Variants in PCDHGA12 observed in about 807,000 individuals in gnomAD.
The protein encoded by PCDHGA12 is protocadherin gamma subfamily A, 12.
PCDHGA12 carries 43 observed loss-of-function variants against 61.1 expected under a neutral mutation model. That is an observed-to-expected ratio of 0.70 (90% confidence interval 0.55 to 0.91). PCDHGA12 has a LOEUF of 0.91. Among genes scored for constraint, PCDHGA12 ranks in the 40% least tolerant of loss-of-function variants. PCDHGA12 has a pLI of 0.00. For synonymous variants in PCDHGA12, 520 were observed against 542.9 expected (o/e 0.96, Z 0.59); for missense variants, 1,236 against 1,227.7 (o/e 1.01, Z -0.10).
At position 141,432,718 on chromosome 5, in the gene PCDHGA12, T is replaced by C; in HGVS notation, c.1959T>C (p.Pro653=). ...CCGTCCAGGACCACGGCCAGCCCCC[T>C]CTCTCCGCCACTGTCACGCTCACCG... ...VVAVQDHGQP[P]LSATVTLTVA... The change falls in exon 1 of 4, where the codon CCT becomes CCC. Residue 653 remains proline (P), a synonymous_variant. Coordinates refer to ENST00000252085, the MANE Select transcript of PCDHGA12 (RefSeq NM_003735.3). This position sits in a 1 kb window ranked among gnomAD's most constrained non-coding sequence, Gnocchi z 6.0. 1 of 1,613,476 alleles carries C rather than the reference T, an allele frequency of 6.2e-7. No homozygotes were observed. The highest frequency in any genetic ancestry group is 8.5e-7 in the Non-Finnish European group (1 of 1,179,862).
At chr5:141,478,584 T>G in intron 1 of PCDHGA12, 1 of 1,577,982 alleles carries the variant, frequency 6.3e-7, no homozygotes, top group Non-Finnish European at 8.6e-7. Flanking sequence ...CTGTTAGTGC[T>G]TTTTTATTCC....
chr5:141,433,587 G>A (rs1228017153), intron 1 of PCDHGA12, among the ~76,000 whole-genome samples: 1 of 152,068 alleles, frequency 6.6e-6, no homozygotes, highest in African/African-American at 2.4e-5. Flanking sequence ...TGTAATCCCA[G>A]TACTTTGGGA....
chr5:141,433,358 C>CGTAT, intron 1 of PCDHGA12, 175 bp downstream of exon 1: 1 of 503,368 alleles, frequency 2.0e-6, no homozygotes, highest in Non-Finnish European at 3.5e-6. Context: ...CTACTGTCTG[C>CGTAT]CTATCTATCT....
rs535194185 is a variant in PCDHGA12, at chr5:141,485,480, A to C, written c.2425-9327A>C. 6.2e-7 allele frequency: 1 copy of C among 1,614,154 alleles called. No individual in the cohort carries two copies. The highest frequency in any genetic ancestry group is 1.7e-5 in the Admixed American group (1 of 60,020). On this transcript the variant is annotated intron_variant, in intron 1 of 3. Coordinates refer to ENST00000252085, the MANE Select transcript of PCDHGA12 (RefSeq NM_003735.3). This position sits in a 1 kb window ranked among gnomAD's most constrained non-coding sequence, Gnocchi z 5.7. The stretch of plus-strand genomic sequence containing the variant: ...ACTGTGTGGGCTCAGTGCCAGCTGC[A>C]TCGTGCCCCTGGAGTTTGTCACCGA...
Position 141,493,788 on chromosome 5 carries a change from C to A in PCDHGA12, c.2425-1019C>A, listed in dbSNP as rs2099750132. On this transcript the variant is annotated intron_variant, in intron 1 of 3. Transcript: ENST00000252085. This position sits in a 1 kb window ranked among gnomAD's most constrained non-coding sequence, Gnocchi z 4.3. ...ACTGGCAGTTCCGGAGCTTCCTTCT[C>A]CCTGGAGTAATCTGAGATACTCACA... 6.6e-6 allele frequency among the ~76,000 whole-genome samples: 1 copy of A among 152,162 alleles called. No homozygotes were observed. The highest frequency in any genetic ancestry group is 1.5e-5 in the Non-Finnish European group (1 of 68,026).
chr5:141,443,308 C>T (rs1484035480), intron 1 of PCDHGA12, among the ~76,000 whole-genome samples: 7 of 136,252 alleles, frequency 5.1e-5, no homozygotes, highest in African/African-American at 2.2e-4. Context: ...TGGCAAAAAC[C>T]CATCTCTACA....
chr5:141,485,666 A>G lies in PCDHGA12; in HGVS notation c.2425-9141A>G. ...GGCTCAGGATGCAGATGTGGGGAGC[A>G]ATTCGATTAGCAGCTATAGGCTGAG... On this transcript the variant is annotated intron_variant, in intron 1 of 3. Coordinates refer to ENST00000252085, the MANE Select transcript of PCDHGA12 (RefSeq NM_003735.3). The surrounding 1 kb of genome is among the most constrained non-coding windows in gnomAD (Gnocchi z 5.7). 1 of 1,612,786 alleles carries G rather than the reference A, an allele frequency of 6.2e-7. No homozygotes were observed. Among genetic ancestry groups the G allele is most frequent in the Non-Finnish European group, 8.5e-7 (1 of 1,178,960 alleles).
intron 3 of PCDHGA12, among the ~76,000 whole-genome samples, chr5:141,506,349 T>A (rs894933059): frequency 8.0e-5 from 12 of 150,304 alleles, no homozygotes; most frequent in Admixed American, 2.7e-4. Context: ...CTTGGGAGGC[T>A]GAGGCAGGAG....
chr5:141,460,726 A>G lies in PCDHGA12; in HGVS notation c.2424+27543A>G, dbSNP rs545089217. ...GAGAATAAACTATTGTTATAAGCAT[A>G]TATACACATTGTATATATATGTGTA... On this transcript the variant is annotated intron_variant, in intron 1 of 3. Coordinates refer to ENST00000252085, the MANE Select transcript of PCDHGA12 (RefSeq NM_003735.3). Among the ~76,000 whole-genome samples the G allele has an allele frequency of 6.6e-5, 10 of 152,252 alleles. No homozygotes were observed. In the East Asian group the frequency reaches 1.9e-3, roughly 29 times the overall value.
Position 141,490,705 on chromosome 5 carries a change from C to T in PCDHGA12, c.2425-4102C>T. 1 of 1,614,194 alleles carries T rather than the reference C, an allele frequency of 6.2e-7. No individual in the cohort carries two copies. Among genetic ancestry groups the T allele is most frequent in the South Asian group, 1.1e-5 (1 of 91,082 alleles). On this transcript the variant is annotated intron_variant, in intron 1 of 3. Coordinates refer to ENST00000252085, the MANE Select transcript of PCDHGA12 (RefSeq NM_003735.3). This position sits in a 1 kb window ranked among gnomAD's most constrained non-coding sequence, Gnocchi z 5.4. ...TCCAGACACTGGGGATAATGCCCGC[C>T]TCACCTACTCCATTGTAGGAAATCA...
Position 141,486,226 on chromosome 5 carries a change from A to G in PCDHGA12, c.2425-8581A>G, listed in dbSNP as rs889500362. 5.0e-6 allele frequency: 8 copies of G among 1,614,012 alleles called. No individual in the cohort carries two copies. The highest frequency in any genetic ancestry group is 6.8e-6 in the Non-Finnish European group (8 of 1,180,018). On this transcript the variant is annotated intron_variant, in intron 1 of 3. Transcript: ENST00000252085. This position sits in a 1 kb window ranked among gnomAD's most constrained non-coding sequence, Gnocchi z 5.0. ...TAAATGACAATGCCCCTTACATCACAGTGACCTCAGAGCTTGGAACCCTCC... is the reference window on the plus strand; with the variant it reads ...TAAATGACAATGCCCCTTACATCACGGTGACCTCAGAGCTTGGAACCCTCC...
chr5:141,490,990 C>A lies in PCDHGA12; in HGVS notation c.2425-3817C>A, dbSNP rs1230384508. On this transcript the variant is annotated intron_variant, in intron 1 of 3. Transcript: ENST00000252085. The surrounding 1 kb of genome is among the most constrained non-coding windows in gnomAD (Gnocchi z 5.4). ...CCCCCAGCGTCTCCCTCGCTCTGCTCCTCCTGGCTCCTTGGTCACCAAGGT... is the reference window on the plus strand; with the variant it reads ...CCCCCAGCGTCTCCCTCGCTCTGCTACTCCTGGCTCCTTGGTCACCAAGGT... The A allele has an allele frequency of 6.2e-7, 1 of 1,614,102 alleles. No homozygotes were observed. The highest frequency in any genetic ancestry group is 8.5e-7 in the Non-Finnish European group (1 of 1,180,022).
rs71583649 is a variant in PCDHGA12, at chr5:141,491,361, C to A, written c.2425-3446C>A. On this transcript the variant is annotated intron_variant, in intron 1 of 3. Transcript: ENST00000252085. The surrounding 1 kb of genome is among the most constrained non-coding windows in gnomAD (Gnocchi z 6.9). The stretch of plus-strand genomic sequence containing the variant: ...CGACCGTCAGTCTCTTATCCCTAGT[C>A]ACCTTCACCTTTCTGTCAGCGAAGT... 1.0e-3 allele frequency: 1,614 copies of A among 1,614,132 alleles called. 5 individuals carry two copies. The highest frequency in any genetic ancestry group is 5.1e-3 in the Middle Eastern group (31 of 6,062).
At chr5:141,503,802 G>A (rs2099831646) in intron 2 of PCDHGA12, among the ~76,000 whole-genome samples, 1 of 151,998 alleles carries the variant, frequency 6.6e-6, no homozygotes, top group South Asian at 2.1e-4. Context: ...CTTAGGGACG[G>A]GGAATCCCAG....
intron 1 of PCDHGA12, among the ~76,000 whole-genome samples, chr5:141,436,848 AT>A (rs1247905529): frequency 6.6e-6 from 1 of 152,244 alleles, no homozygotes; most frequent in African/African-American, 2.4e-5. Flanking sequence ...CACATTCTTG[AT>A]TGAGAAGCCA....
chr5:141,478,414 C>T, intron 1 of PCDHGA12: 1 of 1,613,630 alleles, frequency 6.2e-7, no homozygotes, highest in Non-Finnish European at 8.5e-7. Context: ...CCACGGACTC[C>T]CGCCGCAGCG....
Position 141,432,323 on chromosome 5 carries a change from T to C in PCDHGA12, c.1564T>C (p.Tyr522His), listed in dbSNP as rs1198710959. The C allele has an allele frequency of 3.4e-5, 55 of 1,614,214 alleles. No individual in the cohort carries two copies. Among genetic ancestry groups the C allele is most frequent in the Non-Finnish European group, 4.7e-5 (55 of 1,180,028 alleles). The change falls in exon 1 of 4, where the codon TAC (tyrosine) becomes CAC (histidine). Residue 522 changes from tyrosine (Y) to histidine (H), a missense_variant. Physicochemically the swap from Tyr to His is moderately conservative, Grantham distance 83 (BLOSUM62 2). Transcript: ENST00000252085. This position sits in a 1 kb window ranked among gnomAD's most constrained non-coding sequence, Gnocchi z 6.0. ...GVLYALSSFD[Y>H]EQFRDLQVKV... ...ACTGTATGCGCTGAGCTCCTTCGAC[T>C]ACGAGCAGTTCCGAGACTTGCAAGT...
At chr5:141,443,662 C>A (rs1427397469) in intron 1 of PCDHGA12, among the ~76,000 whole-genome samples, 2 of 152,178 alleles carry the variant, frequency 1.3e-5, no homozygotes, top group African/African-American at 4.8e-5. Context: ...TAGCATTTTA[C>A]TGAACTAGTA....
chr5:141,501,390 T>TCAC (rs1033806087), intron 2 of PCDHGA12, among the ~76,000 whole-genome samples: 4 of 151,794 alleles, frequency 2.6e-5, no homozygotes, highest in African/African-American at 9.7e-5. Flanking sequence ...CTAGGTCCTG[T>TCAC]CACAGGCCAC....
Sources: gnomAD v4.1 joint callset for allele counts (sites outside exome capture counted in the v4.1 genomes callset) on GRCh38, gnomAD v4.1.1 for gene constraint, Gnocchi (gnomAD v3.1) non-coding constraint, MANE v1.5 for transcripts, NCBI Gene and HGNC (gene_info 2026-07-23, HGNC 2026-07-21) for gene names.